The following MRO variants were observed in gnomAD, a reference collection of about 807,000 sequenced individuals.
The protein encoded by MRO is protein maestro.
A neutral mutation model predicts 31.0 loss-of-function variants in MRO; 28 were observed. The observed-to-expected ratio is 0.90, with a 90% CI of 0.67 to 1.24. The LOEUF (loss-of-function observed/expected upper bound fraction) is 1.24, where lower values mean the gene tolerates loss of function less well. MRO is among the 50% of genes most tolerant of loss of function. MRO has a pLI of 0.00. For synonymous variants in MRO, 108 were observed against 108.4 expected (o/e 1.00, Z 0.02); for missense variants, 332 against 289.2 (o/e 1.15, Z -1.07).
chr18:50,803,454 C>A (rs1913603337), intron 5 of MRO, among the ~76,000 whole-genome samples: 1 of 151,712 alleles, frequency 6.6e-6, no homozygotes, highest in Non-Finnish European at 1.5e-5. Flanking sequence ...CTGCAGTGAG[C>A]TGTGTTCCTG....
In MRO at chr18:50,809,153, A is replaced by AC; in HGVS notation, c.99+148_99+149insG. On this transcript the variant is annotated intron_variant, in intron 3 of 7. Coordinates refer to ENST00000398439, the MANE Select transcript of MRO (RefSeq NM_031939.6). ...GAGCGAGACTCCGTCTCAAAAAAAA[A>AC]AAAAAAAAAAAAAAAAAAAACTGTC... 1.2e-4 allele frequency: 13 copies of AC among 106,036 alleles called. 2 individuals carry two copies. The East Asian group carries it at 1.5e-3, about 13-fold the overall frequency. The allele number at this position is 106,036 out of a possible 1,614,324, so 6.6% of individuals were successfully genotyped here.
rs774594497 is a variant in MRO at position 50,805,312 on chromosome 18, G to C, written c.271C>G (p.Leu91Val). The C allele has an allele frequency of 3.7e-6, 6 of 1,613,674 alleles. No homozygotes were observed. In the Admixed American group the frequency reaches 1.0e-4, roughly 27 times the overall value. Residue 91 changes from leucine (L) to valine (V), a missense_variant, in exon 5 of 8, where the codon CTC (leucine) becomes GTC (valine). Transcript: ENST00000398439. ...DKVRKYKKIV[L>V]DLLVYGLYDP... ...TACAGTCCATACACCAGCAGGTCGA[G>C]GACAATTTTCTTATACTTTCTCACC...
chr18:50,800,407 A>C (rs1429285028), intron 6 of MRO, among the ~76,000 whole-genome samples: 1 of 152,178 alleles, frequency 6.6e-6, no homozygotes, highest in Admixed American at 6.5e-5. Context: ...GTAGTACTGG[A>C]TTCCTAAATT....
chr18:50,815,509 C>G (rs1165690590), intron 2 of MRO: 1 of 302,202 alleles, frequency 3.3e-6, no homozygotes, highest in African/African-American at 2.2e-5. Flanking sequence ...GATATGGAAA[C>G]CAAGGTAGTG....
chr18:50,800,002 G>T, intron 7 of MRO, 34 bp downstream of exon 7: 1 of 1,502,784 alleles, frequency 6.7e-7, no homozygotes, highest in Non-Finnish European at 9.2e-7. Flanking sequence ...GGCAGGGACC[G>T]GAAAAGAATT....
intron 2 of MRO, among the ~76,000 whole-genome samples, chr18:50,810,269 T>C (rs898245645): frequency 6.6e-5 from 10 of 152,238 alleles, no homozygotes; most frequent in Non-Finnish European, 1.3e-4. Context: ...ATAAATAAAT[T>C]ACATATATTA....
intron 2 of MRO, among the ~76,000 whole-genome samples, chr18:50,811,064 C>T (rs1373621099): frequency 6.6e-6 from 1 of 152,098 alleles, no homozygotes; most frequent in Non-Finnish European, 1.5e-5. Context: ...AACGGGATCC[C>T]ATGCAGTATC....
At position 50,801,506 on chromosome 18, in the gene MRO, T is replaced by C. The variant is rs1291454345; in HGVS notation, c.430-2A>G. 6.3e-7 allele frequency: 1 copy of C among 1,584,712 alleles called. No homozygotes were observed. Among genetic ancestry groups the C allele is most frequent in the African/African-American group, 1.4e-5 (1 of 73,982 alleles). Reference sequence around the variant, plus strand: ...CGAGTATCTCAGACTGTCGTTCTCCTGCGGTCCCCATCAACAAAACAATAA... The same window carrying C: ...CGAGTATCTCAGACTGTCGTTCTCCCGCGGTCCCCATCAACAAAACAATAA... On this transcript the variant is annotated splice_acceptor_variant, in intron 5 of 7. Transcript: ENST00000398439. LOFTEE classifies it high-confidence loss of function.
chr18:50,813,124 C>T (rs781088750), intron 2 of MRO, among the ~76,000 whole-genome samples: 4 of 152,176 alleles, frequency 2.6e-5, no homozygotes, highest in Non-Finnish European at 5.9e-5. Flanking sequence ...CATGGGGACT[C>T]GGTTTCTCTG....
intron 5 of MRO, among the ~76,000 whole-genome samples, chr18:50,804,462 C>A (rs1410363256): frequency 6.6e-6 from 1 of 152,068 alleles, no homozygotes; most frequent in African/African-American, 2.4e-5. Flanking sequence ...CCCATCTTTA[C>A]CAAAAATACA....
At chr18:50,813,952 T>A (rs544887702) in intron 2 of MRO, among the ~76,000 whole-genome samples, 1 of 152,272 alleles carries the variant, frequency 6.6e-6, no homozygotes, top group Admixed American at 6.5e-5. Context: ...ACAATTTGCC[T>A]TTATAACAAA....
chr18:50,804,232 C>T (rs547768340), intron 5 of MRO, among the ~76,000 whole-genome samples: 23 of 151,570 alleles, frequency 1.5e-4, no homozygotes, highest in Admixed American at 5.9e-4. Context: ...GCTCACTAGA[C>T]ACTAATCATT....
chr18:50,816,442 T>A (rs1914930834), intron 2 of MRO, among the ~76,000 whole-genome samples: 1 of 152,256 alleles, frequency 6.6e-6, no homozygotes, highest in South Asian at 2.1e-4. Flanking sequence ...AATATTTATA[T>A]AGTTCAGTTT....
rs975908501 is a variant in MRO at position 50,798,800 on chromosome 18, G to C, written c.*537C>G. 1 of 152,162 alleles carries C rather than the reference G, an allele frequency of 6.6e-6. No homozygotes were observed. The highest frequency in any genetic ancestry group is 2.4e-5 in the African/African-American group (1 of 41,350). 9.4% of individuals were successfully genotyped at this position (152,162 alleles called of 1,614,324 possible). On this transcript the variant is annotated 3_prime_UTR_variant, in exon 8 of 8. Transcript: ENST00000398439. ...GAAAGCAATGACTGTTTAAAATTAT[G>C]AGAAGCCAAAGATGCCCCTGCAAGC...
chr18:50,818,661 G>A (rs1915128354), intron 2 of MRO, among the ~76,000 whole-genome samples: 1 of 152,138 alleles, frequency 6.6e-6, no homozygotes, highest in Non-Finnish European at 1.5e-5. Context: ...TATTATGAAG[G>A]CCAAAATTAT....
chr18:50,801,426 A>AT lies in MRO; in HGVS notation c.507dup (p.Phe170IlefsTer7). ...GTCTGCTTAACCTGACTGGTGAAAA[A>AT]TTTTTTCCATTTCCTCCCGGCAAAG... On this transcript the variant is annotated frameshift_variant, in exon 6 of 8. Transcript: ENST00000398439. LOFTEE classifies it high-confidence loss of function. 1 of 1,611,346 alleles carries AT rather than the reference A, an allele frequency of 6.2e-7. No individual in the cohort carries two copies. Among genetic ancestry groups the AT allele is most frequent in the Non-Finnish European group, 8.5e-7 (1 of 1,178,384 alleles).
At chr18:50,817,040 T>A (rs1914982725) in intron 2 of MRO, among the ~76,000 whole-genome samples, 1 of 152,208 alleles carries the variant, frequency 6.6e-6, no homozygotes, top group Admixed American at 6.5e-5. Context: ...GCAGCCAGCA[T>A]CGCCTTCATA....
intron 2 of MRO, among the ~76,000 whole-genome samples, chr18:50,809,688 G>A (rs1003904003): frequency 1.3e-5 from 2 of 152,152 alleles, no homozygotes; most frequent in African/African-American, 4.8e-5. Context: ...GAAGTAAAAC[G>A]CAGATTCCCA....
At chr18:50,819,451 A>G in intron 2 of MRO, 130 bp downstream of exon 2, 1 of 1,445,062 alleles carries the variant, frequency 6.9e-7, no homozygotes, top group Non-Finnish European at 9.1e-7. Context: ...ACATTACCAA[A>G]TCCTACCCCC....
Sources: allele counts gnomAD v4.1 joint callset (sites outside exome capture counted in the v4.1 genomes callset), GRCh38; gene constraint gnomAD v4.1.1; transcripts MANE v1.5; gene names NCBI Gene and HGNC (gene_info 2026-07-23, HGNC 2026-07-21).